The following GAN variants were observed in gnomAD, a reference collection of about 807,000 sequenced individuals.
GAN encodes the protein epididymis secretory sperm binding protein.
A neutral mutation model predicts 71.3 loss-of-function variants in GAN; 48 were observed. That is an observed-to-expected ratio of 0.67 (90% CI 0.53 to 0.86). The LOEUF is 0.86. GAN is among the 40% of genes least tolerant of loss of function. The probability of loss-of-function intolerance (pLI) is 0.00; values close to 1 mark genes in which losing one functional copy is unlikely to be tolerated. For missense variants in GAN, 928 were observed against 770.1 expected, an observed-to-expected ratio of 1.21 and a Z score of -2.43; for synonymous variants, 386 against 276.8, an observed-to-expected ratio of 1.39 and a Z score of -3.92.
intron 1 of GAN, among the ~76,000 whole-genome samples, chr16:81,336,349 G>A (rs1338017247): frequency 1.3e-5 from 2 of 152,178 alleles, no homozygotes; most frequent in Non-Finnish European, 2.9e-5. Context: ...CCACAAAAGT[G>A]GGCTGTAAAA....
At position 81,356,814 on chromosome 16, in the gene GAN, G is replaced by T. The variant is rs1378632482; in HGVS notation, c.663G>T (p.Leu221=). Reference sequence around the variant, plus strand: ...ACATGAAGGATGTTATGTCAGCTCTGTGGGTTTCAGGGTTGGACTCCAGTT... The same window carrying T: ...ACATGAAGGATGTTATGTCAGCTCTTTGGGTTTCAGGGTTGGACTCCAGTT... ...KVHMKDVMSA[L]WVSGLDSSYL... Residue 221 remains leucine, a synonymous_variant, in exon 4 of 11, where the codon CTG becomes CTT. Transcript: ENST00000648994. 2 of 1,613,570 alleles carry T rather than the reference G, an allele frequency of 1.2e-6. No homozygotes were observed. The highest frequency in any genetic ancestry group is 2.2e-5 in the East Asian group (1 of 44,880).
intron 1 of GAN, among the ~76,000 whole-genome samples, chr16:81,315,528 C>G (rs1178036985): frequency 6.6e-6 from 1 of 152,000 alleles, no homozygotes; most frequent in African/African-American, 2.4e-5. Flanking sequence ...TGGAGTTGTC[C>G]CCGGACCCGG....
Position 81,386,455 on chromosome 16 carries a change from C to A in GAN, c.*8859C>A, listed in dbSNP as rs1035506167. On this transcript the variant is annotated 3_prime_UTR_variant, in exon 11 of 11. Transcript: ENST00000648994. ...TGTGCATGTGTCTGTGTGTGTGGAA[C>A]TTTTGTACCTTTGCATAAAGAAGGT... is the stretch of plus-strand genomic sequence containing the variant. 4 of 152,222 alleles carry A rather than the reference C, an allele frequency of 2.6e-5. No individual in the cohort carries two copies. In the East Asian group the frequency reaches 7.7e-4, roughly 29 times the overall value. The allele number at this position is 152,222 out of a possible 1,614,324, so 9.4% of individuals were successfully genotyped here.
At chr16:81,362,157 T>C (rs551642998) in intron 5 of GAN, among the ~76,000 whole-genome samples, 3 of 152,196 alleles carry the variant, frequency 2.0e-5, no homozygotes, top group African/African-American at 7.2e-5. Flanking sequence ...TGCGCTGCGG[T>C]GCAAAAGTTG....
At position 81,381,429 on chromosome 16, in the gene GAN, C is replaced by G. The variant is rs1218701278; in HGVS notation, c.*3833C>G. On this transcript the variant is annotated 3_prime_UTR_variant, in exon 11 of 11. Coordinates refer to ENST00000648994, the MANE Select transcript of GAN (RefSeq NM_022041.4). ...GTATCAATTTAAAGATGCCGGAACC[C>G]CGTTAAAAACACCTGGTGGAAGGGA... The G allele has an allele frequency of 2.6e-5, 4 of 152,214 alleles. No homozygotes were observed. Among genetic ancestry groups the G allele is most frequent in the African/African-American group, 4.8e-5 (2 of 41,438 alleles). The allele number at this position is 152,214 out of a possible 1,614,324, so 9.4% of individuals were successfully genotyped here.
chr16:81,358,792 G>A (rs1910575400), intron 5 of GAN, among the ~76,000 whole-genome samples: 1 of 152,158 alleles, frequency 6.6e-6, no homozygotes, highest in African/African-American at 2.4e-5. Context: ...TTGAGGCATT[G>A]CCTTTGCTGG....
At position 81,385,483 on chromosome 16, in the gene GAN, G is replaced by A. The variant is rs1904372842; in HGVS notation, c.*7887G>A. ...AAGCTCTTAAGGCTCCCAAGGCTCCGTTTCTTATGTGGAAGAAGAATAGCA... is the reference window on the plus strand; with the variant it reads ...AAGCTCTTAAGGCTCCCAAGGCTCCATTTCTTATGTGGAAGAAGAATAGCA... On this transcript the variant is annotated 3_prime_UTR_variant, in exon 11 of 11. Coordinates refer to ENST00000648994, the MANE Select transcript of GAN (RefSeq NM_022041.4). 6.6e-6 allele frequency: 1 copy of A among 152,122 alleles called. No individual in the cohort carries two copies. The highest frequency in any genetic ancestry group is 2.4e-5 in the African/African-American group (1 of 41,418). 9.4% of individuals were successfully genotyped at this position (152,122 alleles called of 1,614,324 possible).
chr16:81,348,631 T>A (rs1437420481), intron 1 of GAN, among the ~76,000 whole-genome samples: 1 of 152,204 alleles, frequency 6.6e-6, no homozygotes. Context: ...CCGCCTCTGT[T>A]TAGCCCAGAG....
Position 81,353,207 on chromosome 16 carries a change from C to T in GAN, c.283-1198C>T, listed in dbSNP as rs566115938. Among the ~76,000 whole-genome samples the T allele has an allele frequency of 1.3e-3, 192 of 149,548 alleles. 1 individual carries two copies. The highest frequency in any genetic ancestry group is 2.3e-3 in the Non-Finnish European group (157 of 67,822). On this transcript the variant is annotated intron_variant, in intron 2 of 10. Coordinates refer to ENST00000648994, the MANE Select transcript of GAN (RefSeq NM_022041.4). ...TCGGGAGGCTGAGGCAGGAGAATGGCGTGAACCCCAGGGGGCGGAGCCTGC... is the reference window on the plus strand; with the variant it reads ...TCGGGAGGCTGAGGCAGGAGAATGGTGTGAACCCCAGGGGGCGGAGCCTGC...
At chr16:81,349,038 A>G (rs1910212538) in intron 1 of GAN, among the ~76,000 whole-genome samples, 1 of 152,182 alleles carries the variant, frequency 6.6e-6, no homozygotes, top group Non-Finnish European at 1.5e-5. Flanking sequence ...ACTCTTCAAA[A>G]TATAAGTCAT....
chr16:81,364,719 T>C (rs1214591472), intron 7 of GAN, among the ~76,000 whole-genome samples: 1 of 152,206 alleles, frequency 6.6e-6, no homozygotes, highest in Non-Finnish European at 1.5e-5. Flanking sequence ...ATGAGGCTTT[T>C]GAACTTCTTT....
intron 1 of GAN, among the ~76,000 whole-genome samples, chr16:81,322,799 T>G (rs1469325743): frequency 6.6e-6 from 1 of 152,206 alleles, no homozygotes; most frequent in African/African-American, 2.4e-5. Flanking sequence ...CTCAAAATAT[T>G]TGCACTTTTG....
chr16:81,378,922 G>C lies in GAN; in HGVS notation c.*1326G>C, dbSNP rs1342527793. 1 of 152,396 alleles carries C rather than the reference G, an allele frequency of 6.6e-6. No homozygotes were observed. Among genetic ancestry groups the C allele is most frequent in the African/African-American group, 2.4e-5 (1 of 41,418 alleles). 9.4% of individuals were successfully genotyped at this position (152,396 alleles called of 1,614,324 possible). ...TTTCCACTTGAATTACACCACCCTA[G>C]TGTGAAATCGGGGACTTCAAAGTGC... On this transcript the variant is annotated 3_prime_UTR_variant, in exon 11 of 11. Coordinates refer to ENST00000648994, the MANE Select transcript of GAN (RefSeq NM_022041.4).
At chr16:81,362,673 G>C in intron 6 of GAN, 62 bp downstream of exon 6, 1 of 933,058 alleles carries the variant, frequency 1.1e-6, no homozygotes, top group Admixed American at 1.7e-5. Flanking sequence ...GCTTCTGTTT[G>C]TTTTGTGTCT....
intron 1 of GAN, among the ~76,000 whole-genome samples, chr16:81,331,378 A>G (rs1909571931): frequency 6.6e-6 from 1 of 152,228 alleles, no homozygotes; most frequent in South Asian, 2.1e-4. Flanking sequence ...GAGAAAGGAC[A>G]CTGCGGGGGA....
chr16:81,353,580 A>T (rs1567491047), intron 2 of GAN, among the ~76,000 whole-genome samples: 1 of 152,296 alleles, frequency 6.6e-6, no homozygotes, highest in Admixed American at 6.5e-5. Flanking sequence ...AAAATGTAAA[A>T]ATGTTTCTTG....
intron 6 of GAN, among the ~76,000 whole-genome samples, 161 bp downstream of exon 6, chr16:81,362,772 C>T (rs1465737035): frequency 6.6e-6 from 1 of 152,206 alleles, no homozygotes; most frequent in Non-Finnish European, 1.5e-5. Context: ...CCTCCCCTTC[C>T]TGGCCCTCAC....
intron 1 of GAN, among the ~76,000 whole-genome samples, chr16:81,339,984 A>G (rs565384273): frequency 6.6e-6 from 1 of 152,306 alleles, no homozygotes; most frequent in East Asian, 1.9e-4. Context: ...AAAGGATCAC[A>G]TTTTATGGAA....
At chr16:81,337,671 C>A (rs1567484373) in intron 1 of GAN, among the ~76,000 whole-genome samples, 1 of 152,206 alleles carries the variant, frequency 6.6e-6, no homozygotes, top group Non-Finnish European at 1.5e-5. Flanking sequence ...GGATGTAAAA[C>A]TTTGAATAAT....
Sources: gnomAD v4.1 joint callset for allele counts (sites outside exome capture counted in the v4.1 genomes callset) on GRCh38, gnomAD v4.1.1 for gene constraint, MANE v1.5 for transcripts, NCBI Gene and HGNC (gene_info 2026-07-23, HGNC 2026-07-21) for gene names.